Variants in NRCAM observed in about 807,000 individuals in gnomAD.
NRCAM encodes neuronal cell adhesion molecule.
Under a neutral mutation model 156.5 loss-of-function variants are expected in NRCAM, and 83 were observed. The observed-to-expected ratio is 0.53, with a 90% CI of 0.44 to 0.64. NRCAM has a LOEUF of 0.64. Ranked by LOEUF, NRCAM falls within the 30% of genes least tolerant of loss-of-function variation. The pLI, the probability that NRCAM is intolerant of heterozygous loss-of-function variation, is 0.00. For missense variants in NRCAM, 1,417 were observed against 1,597.3 expected (o/e 0.89, Z 1.92); for synonymous variants, 538 against 563.9 (o/e 0.95, Z 0.65).
At chr7:108,422,426 G>A (rs1811225144) in intron 1 of NRCAM, among the ~76,000 whole-genome samples, 1 of 152,002 alleles carries the variant, frequency 6.6e-6, no homozygotes. Flanking sequence ...AGGTCACCCA[G>A]CTAAGTCACT....
At position 108,346,755 on chromosome 7, in the gene NRCAM, T is replaced by C. The variant is rs116603378; in HGVS notation, c.-173-34024A>G. 5.7e-3 allele frequency among the ~76,000 whole-genome samples: 874 copies of C among 152,236 alleles called. 8 individuals are homozygous for C. The highest frequency in any genetic ancestry group is 0.02 in the African/African-American group (833 of 41,534). On this transcript the variant is annotated intron_variant, in intron 2 of 32. Transcript: ENST00000379028. ...TAGAGCATGCTGTCCAATCCAGTAA[T>C]CACTAACCACAGGTGGCAATTAAGC...
chr7:108,217,075 T>C (rs2089542051), intron 11 of NRCAM, among the ~76,000 whole-genome samples: 1 of 152,226 alleles, frequency 6.6e-6, no homozygotes, highest in African/African-American at 2.4e-5. Context: ...GTCTTTGATG[T>C]TGGTGACCCC....
chr7:108,265,751 G>C (rs1000348925), intron 3 of NRCAM, among the ~76,000 whole-genome samples: 8 of 152,230 alleles, frequency 5.3e-5, no homozygotes, highest in African/African-American at 1.9e-4. Flanking sequence ...AAGTTTCACA[G>C]ATGCTTCCAG....
At chr7:108,168,499 GAATTA>G (rs2056362283) in intron 28 of NRCAM, 97 bp from the exon 29 acceptor site, 1 of 1,056,084 alleles carries the variant, frequency 9.5e-7, no homozygotes. Context: ...TGTGCAAATA[GAATTA>G]AATAGAATTT....
chr7:108,291,035 G>A (rs1470546029), intron 3 of NRCAM, among the ~76,000 whole-genome samples: 1 of 152,138 alleles, frequency 6.6e-6, no homozygotes, highest in African/African-American at 2.4e-5. Context: ...AACCACTTGG[G>A]ATTAGTCACA....
rs191890443 is a variant in NRCAM at position 108,194,492 on chromosome 7, A to T, written c.1464-64T>A. 1.1e-5 allele frequency: 13 copies of T among 1,176,666 alleles called. 1 individual carries two copies. In the Admixed American group the frequency reaches 2.9e-4, roughly 27 times the overall value. The allele number at this position is 1,176,666 out of a possible 1,614,324, so 72.9% of individuals were successfully genotyped here. A position where few individuals can be genotyped will look rare whatever the true frequency, so the allele number is the denominator to read the frequency against. On this transcript the variant is annotated intron_variant, in intron 15 of 32. Transcript: ENST00000379028. ...ATTATATTTTGAAGTCAGACATAAA[A>T]TGCCATGTTCAAGGTCAACATGACC...
At chr7:108,407,224 T>C (rs1481608880) in intron 1 of NRCAM, among the ~76,000 whole-genome samples, 2 of 152,218 alleles carry the variant, frequency 1.3e-5, no homozygotes, top group East Asian at 1.9e-4. Context: ...CCATGAACAT[T>C]TCCCCAACTC....
At chr7:108,221,907 A>G (rs1010886248) in intron 11 of NRCAM, among the ~76,000 whole-genome samples, 4 of 149,638 alleles carry the variant, frequency 2.7e-5, no homozygotes, top group Non-Finnish European at 4.4e-5. Flanking sequence ...CAGTCATCAC[A>G]TGGAACCATG....
chr7:108,244,414 A>G (rs2153827599), intron 3 of NRCAM, among the ~76,000 whole-genome samples: 1 of 152,274 alleles, frequency 6.6e-6, no homozygotes, highest in South Asian at 2.1e-4. Context: ...TCAGCAGTCA[A>G]CTTGGGGATG....
intron 2 of NRCAM, among the ~76,000 whole-genome samples, chr7:108,368,852 G>T (rs1316562416): frequency 6.6e-6 from 1 of 152,090 alleles, no homozygotes; most frequent in Non-Finnish European, 1.5e-5. Context: ...ATTCTTACAT[G>T]GGCAACTAAT....
intron 1 of NRCAM, among the ~76,000 whole-genome samples, chr7:108,451,418 A>G (rs1192999149): frequency 6.6e-6 from 1 of 152,042 alleles, no homozygotes; most frequent in Non-Finnish European, 1.5e-5. Context: ...CTCAAAAAAA[A>G]ATAGAACTAC....
intron 2 of NRCAM, among the ~76,000 whole-genome samples, chr7:108,334,762 A>G (rs1271764791): frequency 6.6e-6 from 1 of 152,176 alleles, no homozygotes; most frequent in African/African-American, 2.4e-5. Context: ...GCTACCAAAC[A>G]TCACCCTCCC....
intron 3 of NRCAM, among the ~76,000 whole-genome samples, chr7:108,278,009 C>T (rs1403355749): frequency 2.0e-5 from 3 of 152,212 alleles, no homozygotes; most frequent in Non-Finnish European, 4.4e-5. Context: ...TGCAGGTCTG[C>T]TGGAGTTTGC....
At chr7:108,161,667 G>A (rs576202578) in intron 30 of NRCAM, among the ~76,000 whole-genome samples, 3 of 152,128 alleles carry the variant, frequency 2.0e-5, no homozygotes, top group Non-Finnish European at 2.9e-5. Flanking sequence ...ACATGACTAC[G>A]CATATCCCAG....
intron 1 of NRCAM, among the ~76,000 whole-genome samples, chr7:108,418,594 C>T (rs1217155386): frequency 6.6e-6 from 1 of 151,554 alleles, no homozygotes; most frequent in Non-Finnish European, 1.5e-5. Context: ...CACACACACA[C>T]ACACACGCAC....
intron 3 of NRCAM, among the ~76,000 whole-genome samples, chr7:108,298,067 CAAAG>C (rs2154139572): frequency 6.6e-6 from 1 of 152,120 alleles, no homozygotes; most frequent in Admixed American, 6.5e-5. Flanking sequence ...TTAATTAAGA[CAAAG>C]AAACAGTAAA....
chr7:108,160,559 CAG>C, intron 30 of NRCAM, 67 bp from the exon 31 acceptor site: 1 of 1,478,526 alleles, frequency 6.8e-7, no homozygotes, highest in Admixed American at 2.4e-5. Context: ...TGCAGTCTCT[CAG>C]AGTAAAAAAT....
chr7:108,402,725 T>C (rs908651487), intron 1 of NRCAM, among the ~76,000 whole-genome samples: 7 of 152,192 alleles, frequency 4.6e-5, no homozygotes, highest in African/African-American at 1.7e-4. Flanking sequence ...CAGCCCACTG[T>C]TCAGAAAAAC....
intron 3 of NRCAM, among the ~76,000 whole-genome samples, chr7:108,299,118 G>A (rs13241058): frequency 0.073 from 1,816 of 24,982 alleles, 136 homozygotes; most frequent in African/African-American, 0.12. Context: ...AAAAAAAAAA[G>A]AAAGAAAGAA....
Sources: gnomAD v4.1 joint callset for allele counts (sites outside exome capture counted in the v4.1 genomes callset) on GRCh38, gnomAD v4.1.1 for gene constraint, MANE v1.5 for transcripts, NCBI Gene and HGNC (gene_info 2026-07-23, HGNC 2026-07-21) for gene names.